Variants in ARHGEF18 observed in about 807,000 individuals in gnomAD.
ARHGEF18 encodes rho guanine nucleotide exchange factor 18.
In ARHGEF18, 93 loss-of-function variants were observed where a neutral mutation model predicts 155.7. The ratio of observed to expected loss-of-function variants is 0.60; its 90% CI spans 0.50 to 0.71. The LOEUF is 0.71. Among genes scored for constraint, ARHGEF18 ranks in the 30% least tolerant of loss-of-function variants. The probability of loss-of-function intolerance (pLI) is 0.00; values close to 1 mark genes in which losing one functional copy is unlikely to be tolerated. For missense variants in ARHGEF18, 1,593 were observed against 1,816.1 expected, an observed-to-expected ratio of 0.88 and a Z score of 2.23; for synonymous variants, 742 against 753.1, an observed-to-expected ratio of 0.99 and a Z score of 0.24.
In ARHGEF18 at chr19:7,373,059, A is replaced by C; in HGVS notation, c.263A>C (p.Glu88Ala). The C allele has an allele frequency of 8.1e-7, 1 of 1,234,520 alleles. No individual in the cohort carries two copies. Among genetic ancestry groups the C allele is most frequent in the Non-Finnish European group, 1.0e-6 (1 of 988,288 alleles). The allele number at this position is 1,234,520 out of a possible 1,614,324, so 76.5% of individuals were successfully genotyped here. ...TGGGAAAGGTCGCGGAGCTGCTCAG[A>C]GAGCTGGCGGAGGTCAGTTCCCCAC... Reference protein sequence around the residue: ...RSWERSRSCSESWRRLSLDAS... With the variant: ...RSWERSRSCSASWRRLSLDAS... The change falls in exon 3 of 29, where the codon GAG becomes GCG. Residue 88 changes from glutamate (E) to alanine (A), a missense_variant. Physicochemically the swap from Glu to Ala is moderately radical, Grantham distance 107. Coordinates refer to ENST00000668164, the MANE Select transcript of ARHGEF18 (RefSeq NM_001367823.1).
At chr19:7,378,122 C>T (rs986124515) in intron 5 of ARHGEF18, among the ~76,000 whole-genome samples, 3 of 152,046 alleles carry the variant, frequency 2.0e-5, no homozygotes, top group Admixed American at 6.6e-5. Flanking sequence ...GGACAATAAG[C>T]GTATCTCCTT....
downstream of ARHGEF18, among the ~76,000 whole-genome samples, chr19:7,473,842 G>A (rs1221499563): frequency 1.3e-5 from 2 of 150,080 alleles, no homozygotes; most frequent in Non-Finnish European, 3.0e-5. Context: ...AATTAGCCAG[G>A]TATGGTGGCG....
At chr19:7,422,723 T>C (rs985316223) in intron 10 of ARHGEF18, among the ~76,000 whole-genome samples, 8 of 146,096 alleles carry the variant, frequency 5.5e-5, no homozygotes, top group South Asian at 2.3e-4. Context: ...TTTCTTTTTT[T>C]TTTTTTTTTT....
chr19:7,353,652 T>G (rs890809772), intron 1 of ARHGEF18, among the ~76,000 whole-genome samples: 11 of 151,546 alleles, frequency 7.3e-5, no homozygotes, highest in Non-Finnish European at 1.6e-4. Context: ...CCCTGTTGTA[T>G]TTTTTTAAAG....
At chr19:7,469,268 T>A in intron 27 of ARHGEF18, 137 bp downstream of exon 27, 1 of 1,144,538 alleles carries the variant, frequency 8.7e-7, no homozygotes, top group Non-Finnish European at 1.2e-6. Context: ...GCTGGCATCG[T>A]GGCTGAGGCC....
chr19:7,379,129 G>A lies in ARHGEF18; in HGVS notation c.607G>A (p.Val203Ile), dbSNP rs1970605155. ...DHVEPDHVLIVQQVLQELRQY... is the reference protein window; with the variant it reads ...DHVEPDHVLIIQQVLQELRQY... ...CCACCTCCACCCCCACAGGCTGATT[G>A]TCCAGCAGGTGCTTCAAGAACTTCG... Residue 203 changes from valine to isoleucine, a missense_variant, in exon 7 of 29, where the codon GTC (valine) becomes ATC (isoleucine). Transcript: ENST00000668164. The A allele has an allele frequency of 2.4e-6, 3 of 1,232,454 alleles. No homozygotes were observed. The highest frequency in any genetic ancestry group is 3.0e-6 in the Non-Finnish European group (3 of 988,250). 76.3% of individuals were successfully genotyped at this position (1,232,454 alleles called of 1,614,324 possible).
intron 10 of ARHGEF18, among the ~76,000 whole-genome samples, chr19:7,435,574 C>G (rs1301449111): frequency 6.6e-6 from 1 of 152,006 alleles, no homozygotes; most frequent in Non-Finnish European, 1.5e-5. Flanking sequence ...TGTGAGAGCC[C>G]CATAAAGGAG....
chr19:7,369,721 C>T (rs964412248), intron 2 of ARHGEF18, among the ~76,000 whole-genome samples: 2 of 151,950 alleles, frequency 1.3e-5, no homozygotes, highest in African/African-American at 2.4e-5. Context: ...TGTTTGAACC[C>T]GGGAGGCAGA....
chr19:7,448,388 A>G (rs770192596), intron 15 of ARHGEF18, among the ~76,000 whole-genome samples: 13 of 152,198 alleles, frequency 8.5e-5, no homozygotes, highest in East Asian at 1.9e-4. Context: ...TAGGCCGGGC[A>G]CAGTGGCTCA....
chr19:7,446,187 T>C (rs1974976143), intron 14 of ARHGEF18, among the ~76,000 whole-genome samples: 1 of 151,670 alleles, frequency 6.6e-6, no homozygotes, highest in South Asian at 2.1e-4. Flanking sequence ...TCACTTGAGG[T>C]TATGAGTTCA....
At chr19:7,363,166 A>AGATG (rs1388093833) in intron 2 of ARHGEF18, among the ~76,000 whole-genome samples, 4 of 151,804 alleles carry the variant, frequency 2.6e-5, no homozygotes, top group Non-Finnish European at 4.4e-5. Context: ...GTGTCTGGAT[A>AGATG]GATGGATGGA....
At chr19:7,385,551 C>T (rs1016933617) in intron 10 of ARHGEF18, among the ~76,000 whole-genome samples, 1 of 151,186 alleles carries the variant, frequency 6.6e-6, no homozygotes, top group African/African-American at 2.4e-5. Flanking sequence ...TCATAGCTCA[C>T]TGCAACTCTC....
chr19:7,407,832 C>G (rs957510617), intron 10 of ARHGEF18, among the ~76,000 whole-genome samples: 1 of 151,552 alleles, frequency 6.6e-6, no homozygotes, highest in Non-Finnish European at 1.5e-5. Flanking sequence ...GCGTGGTGGC[C>G]GCGCCTGGAG....
intron 2 of ARHGEF18, among the ~76,000 whole-genome samples, chr19:7,365,430 G>A (rs1003261976): frequency 6.6e-6 from 1 of 152,104 alleles, no homozygotes; most frequent in African/African-American, 2.4e-5. Context: ...AAAAGACACT[G>A]AGATGCAAGC....
chr19:7,467,457 G>A lies in ARHGEF18; in HGVS notation c.3253G>A (p.Gly1085Ser), dbSNP rs1050542397. ...QWQHQELERA[G>S]ARLQEREGEA... ...GCAGCACCAGGAGCTGGAGCGTGCGGGCGCGCGGCTGCAGGAGCGCGAGGG... is the reference window on the plus strand; with the variant it reads ...GCAGCACCAGGAGCTGGAGCGTGCGAGCGCGCGGCTGCAGGAGCGCGAGGG... Residue 1085 changes from glycine (G) to serine (S), a missense_variant, in exon 26 of 29, where the codon GGC becomes AGC. Transcript: ENST00000668164. 4 of 1,507,088 alleles carry A rather than the reference G, an allele frequency of 2.7e-6. No homozygotes were observed. Among genetic ancestry groups the A allele is most frequent in the Admixed American group, 2.2e-5 (1 of 45,718 alleles). 93.4% of individuals were successfully genotyped at this position (1,507,088 alleles called of 1,614,324 possible).
At position 7,395,470 on chromosome 19, in the gene ARHGEF18, G is replaced by T. The variant is rs1971646255; in HGVS notation, c.967+12267G>T. On this transcript the variant is annotated intron_variant, in intron 10 of 28. Coordinates refer to ENST00000668164, the MANE Select transcript of ARHGEF18 (RefSeq NM_001367823.1). This position sits in a 1 kb window ranked among gnomAD's most constrained non-coding sequence, Gnocchi z 5.0. ...GATTGCAGGGTGCAGAGGTGCAGAC[G>T]ATGCCCGCCCGCTCCGTCCGAGCCC... Among the ~76,000 whole-genome samples the T allele has an allele frequency of 6.6e-6, 1 of 152,094 alleles. No individual in the cohort carries two copies.
chr19:7,379,082 G>A (rs1488178098), intron 6 of ARHGEF18, 40 bp from the exon 7 acceptor site: 1 of 1,231,550 alleles, frequency 8.1e-7, no homozygotes, highest in African/African-American at 1.6e-5. Context: ...GTAACCTGGA[G>A]CTACCATGGG....
At chr19:7,439,633 TC>T in intron 10 of ARHGEF18, 1 of 1,090,788 alleles carries the variant, frequency 9.2e-7, no homozygotes, top group Non-Finnish European at 1.1e-6. Context: ...AATCGGAGCC[TC>T]GCGTCCACTT....
chr19:7,378,983 G>A (rs1458431132), intron 6 of ARHGEF18, 139 bp from the exon 7 acceptor site: 2 of 667,568 alleles, frequency 3.0e-6, no homozygotes, highest in Non-Finnish European at 4.1e-6. Context: ...GTGAGCCACT[G>A]TGCCCGGCTG....
Sources: gnomAD v4.1 joint callset for allele counts (sites outside exome capture counted in the v4.1 genomes callset) on GRCh38, gnomAD v4.1.1 for gene constraint, Gnocchi (gnomAD v3.1) non-coding constraint, MANE v1.5 for transcripts, NCBI Gene and HGNC (gene_info 2026-07-23, HGNC 2026-07-21) for gene names.